Variants in CXADR observed in about 807,000 individuals in gnomAD.
CXADR encodes the protein CXADR cell adhesion molecule.
In CXADR, 20 loss-of-function variants were observed where a neutral mutation model predicts 40.3. That is an observed-to-expected ratio of 0.50 (90% CI 0.35 to 0.72). The LOEUF (loss-of-function observed/expected upper bound fraction) is 0.72. Ranked by LOEUF, CXADR falls within the 30% of genes least tolerant of loss-of-function variation. The pLI is 0.01. For synonymous variants in CXADR, 150 were observed against 161.3 expected (o/e 0.93, Z 0.53); for missense variants, 332 against 449.1 (o/e 0.74, Z 2.36).
At chr21:17,593,992 T>C, downstream of CXADR, 5 of 1,394,572 alleles carry the variant, frequency 3.6e-6, no homozygotes, top group Non-Finnish European at 4.8e-6. Context: ...GTTTGGCCCA[T>C]CTAACTTCAC....
In CXADR at chr21:17,565,413, G is replaced by A. The variant is rs963152266; in HGVS notation, c.834-15G>A. 2 of 1,612,542 alleles carry A rather than the reference G, an allele frequency of 1.2e-6. No homozygotes were observed. The highest frequency in any genetic ancestry group is 1.3e-5 in the African/African-American group (1 of 74,916). ...ACTTATTCTCTTGACATGTATTGGG[G>A]ATTTTGCTTTGCAGGGAAGATGTGC... On this transcript the variant is annotated splice_polypyrimidine_tract_variant and intron_variant, in intron 6 of 6. Coordinates refer to ENST00000284878, the MANE Select transcript of CXADR (RefSeq NM_001338.5).
At chr21:17,551,341 C>T (rs2060965122) in intron 2 of CXADR, among the ~76,000 whole-genome samples, 2 of 151,086 alleles carry the variant, frequency 1.3e-5, no homozygotes, top group African/African-American at 4.9e-5. Context: ...TGGAGGGAGC[C>T]GAGATCTCAC....
At chr21:17,522,137 A>G (rs1346178966) in intron 1 of CXADR, among the ~76,000 whole-genome samples, 1 of 149,302 alleles carries the variant, frequency 6.7e-6, no homozygotes, top group Non-Finnish European at 1.5e-5. Context: ...ACCTAGGCTT[A>G]TTTTTCTTCT....
At chr21:17,589,035 T>C (rs2061416818) in intron 7 of CXADR, among the ~76,000 whole-genome samples, 1 of 148,250 alleles carries the variant, frequency 6.7e-6, no homozygotes, top group African/African-American at 2.6e-5. Context: ...AGGTATTTAA[T>C]AAATTTTCTT....
intron 1 of CXADR, among the ~76,000 whole-genome samples, chr21:17,542,542 CTG>C (rs1457850582): frequency 2.0e-5 from 3 of 152,072 alleles, no homozygotes; most frequent in African/African-American, 4.8e-5. Flanking sequence ...GATTTAGAAA[CTG>C]GAGATAAGAA....
intron 1 of CXADR, among the ~76,000 whole-genome samples, chr21:17,527,890 G>T (rs960847468): frequency 6.7e-6 from 1 of 149,944 alleles, no homozygotes; most frequent in Non-Finnish European, 1.5e-5. Context: ...TTGTTGACAG[G>T]AAATGCTCAG....
At chr21:17,538,626 C>T (rs1037561149) in intron 1 of CXADR, among the ~76,000 whole-genome samples, 9 of 151,680 alleles carry the variant, frequency 5.9e-5, no homozygotes, top group Non-Finnish European at 1.3e-4. Flanking sequence ...GGCAACATAA[C>T]GAGACTGCAA....
chr21:17,602,724 CA>C, the CXADR span, among the ~76,000 whole-genome samples: 1 of 152,096 alleles, frequency 6.6e-6, no homozygotes, highest in Non-Finnish European at 1.5e-5. Flanking sequence ...AAGATGAAAG[CA>C]AAGTAGCAGT....
rs1386890888 is a variant in CXADR, at chr21:17,547,071, G to A, written c.88G>A (p.Glu30Lys). ...LSITTPEEMI[E>K]KAKGETAYLP... is the part of the protein sequence containing the mutation. Reference sequence around the variant, plus strand: ...TATCACTACTCCTGAAGAGATGATTGAAAAAGCCAAAGGGGAAACTGCCTA... The same window carrying A: ...TATCACTACTCCTGAAGAGATGATTAAAAAAGCCAAAGGGGAAACTGCCTA... Residue 30 changes from glutamate to lysine, a missense_variant, in exon 2 of 7, where the codon GAA becomes AAA. Glu to Lys is a moderately conservative substitution (Grantham distance 56). Around this residue, in one of 3 missense-constraint regions of CXADR, gnomAD observed 162 missense variants for 198.5 expected, o/e 0.82. Coordinates refer to ENST00000284878, the MANE Select transcript of CXADR (RefSeq NM_001338.5). 1 of 1,613,580 alleles carries A rather than the reference G, an allele frequency of 6.2e-7. No homozygotes were observed. The highest frequency in any genetic ancestry group is 8.5e-7 in the Non-Finnish European group (1 of 1,179,916).
chr21:17,611,288 A>G, the CXADR span, among the ~76,000 whole-genome samples: 1 of 152,246 alleles, frequency 6.6e-6, no homozygotes, highest in Non-Finnish European at 1.5e-5. Context: ...GAACCACACT[A>G]AAGAAATGTA....
chr21:17,597,864 C>G (rs1300943119), downstream of CXADR, among the ~76,000 whole-genome samples: 1 of 152,104 alleles, frequency 6.6e-6, no homozygotes, highest in Non-Finnish European at 1.5e-5. Flanking sequence ...TCTAAATTTT[C>G]ATTTTCAGCT....
At chr21:17,595,020 A>G (rs1329932386), downstream of CXADR, among the ~76,000 whole-genome samples, 2 of 151,922 alleles carry the variant, frequency 1.3e-5, no homozygotes, top group East Asian at 3.9e-4. Context: ...AAAAAAAGAT[A>G]AACACAAAAC....
chr21:17,539,882 C>T (rs550932658), intron 1 of CXADR, among the ~76,000 whole-genome samples: 3 of 152,298 alleles, frequency 2.0e-5, no homozygotes, highest in East Asian at 3.9e-4. Context: ...TATACCCTAT[C>T]CATGATGAGA....
the CXADR span, among the ~76,000 whole-genome samples, chr21:17,600,613 G>A: frequency 6.6e-6 from 1 of 151,860 alleles, no homozygotes; most frequent in African/African-American, 2.4e-5. Context: ...TTGAGCCCAG[G>A]AATTTGAGAC....
rs1437638347 is a variant in CXADR, at chr21:17,567,225, A to G, written c.*1533A>G. 3.5e-5 allele frequency: 34 copies of G among 985,372 alleles called. No individual in the cohort carries two copies. Among genetic ancestry groups the G allele is most frequent in the Non-Finnish European group, 4.0e-5 (33 of 829,902 alleles). 61.0% of individuals were successfully genotyped at this position (985,372 alleles called of 1,614,324 possible). ...ATATCTTTGGGTGCTGTGGTGGTAA[A>G]TGCTATATTATGAACGGTGGCATGT... is the stretch of plus-strand genomic sequence containing the variant. On this transcript the variant is annotated 3_prime_UTR_variant, in exon 7 of 7. Coordinates refer to ENST00000284878, the MANE Select transcript of CXADR (RefSeq NM_001338.5).
chr21:17,541,533 A>G (rs1270029220), intron 1 of CXADR, among the ~76,000 whole-genome samples: 1 of 151,838 alleles, frequency 6.6e-6, no homozygotes, highest in South Asian at 2.1e-4. Context: ...ATTCCAGCCC[A>G]GGCGTCAGAG....
At chr21:17,618,126 G>C in the CXADR span, among the ~76,000 whole-genome samples, 1 of 152,310 alleles carries the variant, frequency 6.6e-6, no homozygotes, top group African/African-American at 2.4e-5. Context: ...GATTGCTTGA[G>C]TCCAAGGAGT....
chr21:17,522,241 C>T (rs1174022857), intron 1 of CXADR, among the ~76,000 whole-genome samples: 13 of 151,810 alleles, frequency 8.6e-5, no homozygotes, highest in African/African-American at 1.7e-4. Context: ...CTCTGCCTCC[C>T]GGGTTCAAGT....
chr21:17,514,886 A>T (rs185272075), intron 1 of CXADR, among the ~76,000 whole-genome samples: 2,318 of 152,142 alleles, frequency 0.015, 66 homozygotes, highest in African/African-American at 0.053. Flanking sequence ...AGCCTCCCAG[A>T]GTCCTGGGAT....
Sources: allele counts gnomAD v4.1 joint callset (sites outside exome capture counted in the v4.1 genomes callset), GRCh38; gene constraint gnomAD v4.1.1; regional missense constraint gnomAD v4.1.1; transcripts MANE v1.5; gene names NCBI Gene and HGNC (gene_info 2026-07-23, HGNC 2026-07-21).